ADGRB3: variants seen among roughly 807,000 people sequenced by gnomAD.
The protein encoded by ADGRB3 is brain-specific angiogenesis inhibitor 3.
ADGRB3 carries 37 observed loss-of-function variants against 193.4 expected under a neutral mutation model. That is an observed-to-expected ratio of 0.19 (90% CI 0.15 to 0.25). The LOEUF (loss-of-function observed/expected upper bound fraction) is 0.25, where lower values mean the gene tolerates loss of function less well. Among genes scored for constraint, ADGRB3 ranks in the 10% least tolerant of loss-of-function variants. The probability of loss-of-function intolerance (pLI) is 1.00; values close to 1 mark genes in which losing one functional copy is unlikely to be tolerated. For synonymous variants in ADGRB3, 690 were observed against 644.2 expected (o/e 1.07, Z -1.08); for missense variants, 1,637 against 1,852.9 (o/e 0.88, Z 2.14).
intron 26 of ADGRB3, 142 bp from the exon 27 acceptor site, chr6:69,354,091 G>GT (rs1333727884): frequency 2.3e-5 from 12 of 532,068 alleles, no homozygotes; most frequent in East Asian, 5.7e-5. Flanking sequence ...ATAATAATAA[G>GT]TTTTTTTAAA....
intron 17 of ADGRB3, among the ~76,000 whole-genome samples, chr6:69,131,212 G>A (rs370700850): frequency 1.3e-5 from 2 of 152,088 alleles, no homozygotes; most frequent in East Asian, 1.9e-4. Context: ...GTCAAAGCAA[G>A]TCATGAAAGC....
intron 3 of ADGRB3, 66 bp downstream of exon 3, chr6:68,639,498 T>C (rs1015101660): frequency 2.1e-6 from 3 of 1,455,666 alleles, no homozygotes; most frequent in Non-Finnish European, 1.8e-6. Context: ...TAAAACGTGC[T>C]GTTTCAACAC....
intron 17 of ADGRB3, among the ~76,000 whole-genome samples, chr6:69,140,557 G>C (rs73467760): frequency 0.012 from 1,806 of 152,032 alleles, 43 homozygotes; most frequent in African/African-American, 0.039. Flanking sequence ...AAATATAATT[G>C]GATAGAATGA....
At chr6:68,957,580 A>G (rs3823061) in intron 8 of ADGRB3, among the ~76,000 whole-genome samples, 139,754 of 152,238 alleles carry the variant, frequency 0.92, 64,194 homozygotes, top group East Asian at 0.96. Context: ...CCCACTTAGA[A>G]TCCTGTTGCT....
chr6:68,969,718 T>G (rs1462961746), intron 8 of ADGRB3, among the ~76,000 whole-genome samples: 3 of 152,200 alleles, frequency 2.0e-5, no homozygotes, highest in African/African-American at 7.2e-5. Flanking sequence ...TCACATAGTT[T>G]TGTCTACCTC....
intron 20 of ADGRB3, among the ~76,000 whole-genome samples, chr6:69,279,122 C>G (rs1582600402): frequency 9.2e-6 from 1 of 109,142 alleles, no homozygotes; most frequent in African/African-American, 3.4e-5. Flanking sequence ...TATATATATG[C>G]TCCTCAACTT....
intron 26 of ADGRB3, among the ~76,000 whole-genome samples, chr6:69,352,583 C>T (rs192553376): frequency 4.6e-5 from 7 of 152,228 alleles, no homozygotes; most frequent in African/African-American, 1.4e-4. Flanking sequence ...GGATTAGGAC[C>T]GGAGGTGGAG....
chr6:68,941,016 A>G (rs1308271365), intron 5 of ADGRB3, among the ~76,000 whole-genome samples: 1 of 152,170 alleles, frequency 6.6e-6, no homozygotes, highest in Non-Finnish European at 1.5e-5. Context: ...CATATTCTTC[A>G]TTTCGTCTCT....
At chr6:69,203,456 T>TG (rs1231633821) in intron 17 of ADGRB3, among the ~76,000 whole-genome samples, 4 of 151,904 alleles carry the variant, frequency 2.6e-5, no homozygotes, top group African/African-American at 9.7e-5. Flanking sequence ...TTTTTGTTTT[T>TG]TTTTTCTCTT....
chr6:68,717,004 T>C (rs1393821158), intron 3 of ADGRB3, among the ~76,000 whole-genome samples: 3 of 151,778 alleles, frequency 2.0e-5, no homozygotes, highest in Admixed American at 6.6e-5. Flanking sequence ...TTTCTTCATT[T>C]CTCACGTAGG....
chr6:69,105,180 GC>G (rs1393841294), intron 17 of ADGRB3, among the ~76,000 whole-genome samples: 3 of 152,040 alleles, frequency 2.0e-5, no homozygotes, highest in African/African-American at 7.2e-5. Context: ...GATTCTGGAC[GC>G]TTATCCTAGT....
At chr6:69,332,118 A>T in intron 23 of ADGRB3, 2 of 985,400 alleles carry the variant, frequency 2.0e-6, no homozygotes, top group Non-Finnish European at 2.4e-6. Flanking sequence ...GGATTCCTTG[A>T]TCAGAAAGTG....
intron 17 of ADGRB3, among the ~76,000 whole-genome samples, chr6:69,145,187 G>A (rs1431752298): frequency 6.6e-6 from 1 of 152,080 alleles, no homozygotes. Flanking sequence ...TCCCATGCCT[G>A]CCAAGCATGT....
At chr6:69,050,860 A>C (rs1582423056) in intron 15 of ADGRB3, among the ~76,000 whole-genome samples, 1 of 152,300 alleles carries the variant, frequency 6.6e-6, no homozygotes, top group East Asian at 1.9e-4. Context: ...TGCTCTTGAG[A>C]TACATAGTGA....
At chr6:68,675,178 G>A (rs770450604) in intron 3 of ADGRB3, among the ~76,000 whole-genome samples, 1 of 152,158 alleles carries the variant, frequency 6.6e-6, no homozygotes, top group Non-Finnish European at 1.5e-5. Flanking sequence ...GGCAGGAGAA[G>A]CTGGAAGTAA....
intron 20 of ADGRB3, among the ~76,000 whole-genome samples, chr6:69,251,083 G>T (rs1457253300): frequency 2.6e-5 from 4 of 152,106 alleles, no homozygotes; most frequent in Admixed American, 1.3e-4. Flanking sequence ...CATTATTCTG[G>T]TTTGTACCTG....
chr6:68,670,153 A>G (rs1207533699), intron 3 of ADGRB3, among the ~76,000 whole-genome samples: 8 of 151,606 alleles, frequency 5.3e-5, no homozygotes, highest in Non-Finnish European at 1.0e-4. Flanking sequence ...TGAGTTCCTT[A>G]TATATTCTGG....
In ADGRB3 at chr6:68,956,291, T is replaced by TTATA. The variant is rs143618979; in HGVS notation, c.1360+111_1360+114dup. 1.2e-3 allele frequency: 843 copies of TTATA among 711,668 alleles called. 5 individuals carry two copies. The highest frequency in any genetic ancestry group is 2.6e-3 in the South Asian group (86 of 33,086). The allele number at this position is 711,668 out of a possible 1,614,324, so 44.1% of individuals were successfully genotyped here. A position where few individuals can be genotyped will look rare whatever the true frequency, so the allele number is the denominator to read the frequency against. On this transcript the variant is annotated intron_variant, in intron 7 of 31. Coordinates refer to ENST00000370598, the MANE Select transcript of ADGRB3 (RefSeq NM_001704.3). Reference sequence around the variant, plus strand: ...AGAGGGTCATGAAAGAAGATAATCATTATATATATATGTGTGTGTGTGTGT... The same window carrying TTATA: ...AGAGGGTCATGAAAGAAGATAATCATTATATATATATATATGTGTGTGTGTGTGT...
chr6:69,209,515 G>A (rs1765609281), intron 17 of ADGRB3, among the ~76,000 whole-genome samples: 1 of 152,204 alleles, frequency 6.6e-6, no homozygotes, highest in East Asian at 1.9e-4. Flanking sequence ...CTTGCTCACT[G>A]GATCCAATCA....
Sources: gnomAD v4.1 joint callset for allele counts (sites outside exome capture counted in the v4.1 genomes callset) on GRCh38, gnomAD v4.1.1 for gene constraint, MANE v1.5 for transcripts, NCBI Gene and HGNC (gene_info 2026-07-23, HGNC 2026-07-21) for gene names.